PRKN: variants seen among roughly 807,000 people sequenced by gnomAD.
PRKN encodes parkin RBR E3 ubiquitin protein ligase, also known as E3 ubiquitin-protein ligase parkin.
A neutral mutation model predicts 59.5 loss-of-function variants in PRKN; 56 were observed. That is an observed-to-expected ratio of 0.94 (90% CI 0.76 to 1.18). PRKN has a LOEUF of 1.18. Ranked by LOEUF, PRKN falls within the 50% of genes most tolerant of loss-of-function variation. The pLI is 0.00. For synonymous variants in PRKN, 250 were observed against 222.1 expected (o/e 1.13, Z -1.12); for missense variants, 657 against 596.4 (o/e 1.10, Z -1.06).
chr6:161,941,065 G>A (rs181326251), intron 6 of PRKN, among the ~76,000 whole-genome samples: 157 of 152,306 alleles, frequency 1.0e-3, no homozygotes, highest in African/African-American at 3.7e-3. Flanking sequence ...GGAAGGTGGG[G>A]AAGGGAAGTG....
At chr6:161,978,847 G>A (rs369712383) in intron 5 of PRKN, among the ~76,000 whole-genome samples, 11 of 152,312 alleles carry the variant, frequency 7.2e-5, no homozygotes, top group Middle Eastern at 3.4e-3. Flanking sequence ...GTTGCTTCTC[G>A]GTCACTAGGG....
intron 1 of PRKN, among the ~76,000 whole-genome samples, chr6:162,541,377 A>C (rs760754213): frequency 7.2e-5 from 11 of 152,206 alleles, no homozygotes; most frequent in Non-Finnish European, 1.2e-4. Context: ...CCAGACAGGG[A>C]GGGCAAAGGC....
intron 1 of PRKN, among the ~76,000 whole-genome samples, chr6:162,558,951 C>T (rs1779725185): frequency 6.6e-6 from 1 of 152,062 alleles, no homozygotes; most frequent in African/African-American, 2.4e-5. Context: ...AACTTTTCTA[C>T]TTTAAAAAGG....
intron 7 of PRKN, among the ~76,000 whole-genome samples, chr6:161,573,362 T>C (rs993015913): frequency 2.6e-5 from 4 of 152,150 alleles, no homozygotes; most frequent in Admixed American, 6.5e-5. Flanking sequence ...CTTCTAGTTG[T>C]ATAAGCATAA....
At chr6:162,704,849 T>A (rs550550091) in intron 1 of PRKN, among the ~76,000 whole-genome samples, 1 of 152,298 alleles carries the variant, frequency 6.6e-6, no homozygotes, top group African/African-American at 2.4e-5. Context: ...GACTTCGGAT[T>A]TTGTTTATAT....
At chr6:161,637,803 C>T (rs1204893484) in intron 7 of PRKN, among the ~76,000 whole-genome samples, 1 of 151,946 alleles carries the variant, frequency 6.6e-6, no homozygotes, top group African/African-American at 2.4e-5. Flanking sequence ...TTCTGCTTCC[C>T]TTACTTGAGA....
rs76480347 is a variant in PRKN at position 161,632,276 on chromosome 6, C to T, written c.872-62860G>A. On this transcript the variant is annotated intron_variant, in intron 7 of 11. Coordinates refer to ENST00000366898, the MANE Select transcript of PRKN (RefSeq NM_004562.3). ...AGGTTACAAAAGCTGTGGTAAGAAT[C>T]GTCCTTAATTGCAAGGGTTATTCTA... Among the ~76,000 whole-genome samples, 793 of 152,170 alleles carry T rather than the reference C, an allele frequency of 5.2e-3. 15 individuals are homozygous for T. In the East Asian group the frequency reaches 0.062, roughly 12 times the overall value.
rs1255594406 is a variant in PRKN, at chr6:161,471,302, T to C, written c.1083+77552A>G. 6.6e-6 allele frequency among the ~76,000 whole-genome samples: 1 copy of C among 152,204 alleles called. No individual in the cohort carries two copies. Among genetic ancestry groups the C allele is most frequent in the Non-Finnish European group, 1.5e-5 (1 of 68,030 alleles). On this transcript the variant is annotated intron_variant, in intron 9 of 11. Transcript: ENST00000366898. This position sits in a 1 kb window ranked among gnomAD's most constrained non-coding sequence, Gnocchi z 4.5. ...CTGCAATGTCTGAGTTTTGGGGTTA[T>C]GGGGATGTTGTTTTATTTCACTTAC...
chr6:162,285,266 A>ATTTTTTTTTTT (rs11392809), intron 2 of PRKN, among the ~76,000 whole-genome samples: 1 of 95,926 alleles, frequency 1.0e-5, no homozygotes, highest in Admixed American at 1.4e-4. Flanking sequence ...TATTTTGGAG[A>ATTTTTTTTTTT]TTTTTTTTTT....
chr6:162,017,186 T>C (rs763148593), intron 5 of PRKN, among the ~76,000 whole-genome samples: 2 of 152,188 alleles, frequency 1.3e-5, no homozygotes, highest in Non-Finnish European at 2.9e-5. Context: ...TAGGGAGATA[T>C]ATCTTATGGA....
intron 7 of PRKN, among the ~76,000 whole-genome samples, chr6:161,751,723 A>AT (rs1187917602): frequency 6.6e-6 from 1 of 152,220 alleles, no homozygotes; most frequent in Non-Finnish European, 1.5e-5. Context: ...CTTCTGGGAG[A>AT]TGATACCAAA....
rs12530349 is a variant in PRKN, at chr6:161,554,432, G to A, written c.934-5429C>T. 1.6e-4 allele frequency among the ~76,000 whole-genome samples: 11 copies of A among 67,114 alleles called. No homozygotes were observed. The highest frequency in any genetic ancestry group is 1.2e-3 in the East Asian group (2 of 1,670). The allele number at this position is 67,114 out of a possible 152,430, so 44.0% of individuals were successfully genotyped here. ...CACACACACACACACACACACACAC[G>A]CATGCAGGCACAACCATCAGTACTT... On this transcript the variant is annotated intron_variant, in intron 8 of 11. Coordinates refer to ENST00000366898, the MANE Select transcript of PRKN (RefSeq NM_004562.3). The surrounding 1 kb of genome is among the most constrained non-coding windows in gnomAD (Gnocchi z 4.5).
chr6:161,919,858 C>A (rs1778712284), intron 6 of PRKN, among the ~76,000 whole-genome samples: 1 of 152,208 alleles, frequency 6.6e-6, no homozygotes, highest in Non-Finnish European at 1.5e-5. Context: ...GTTGAAAAAT[C>A]ACATTCCTAT....
chr6:162,089,156 A>G (rs1779371925), intron 4 of PRKN, among the ~76,000 whole-genome samples: 1 of 152,214 alleles, frequency 6.6e-6, no homozygotes, highest in African/African-American at 2.4e-5. Flanking sequence ...TATGTCATAA[A>G]AAACCTCTGT....
chr6:162,333,686 T>C (rs1407603789), intron 2 of PRKN, among the ~76,000 whole-genome samples: 1 of 152,156 alleles, frequency 6.6e-6, no homozygotes, highest in Non-Finnish European at 1.5e-5. Context: ...AACTATACTG[T>C]ATTAGACCAA....
intron 9 of PRKN, among the ~76,000 whole-genome samples, chr6:161,490,931 A>G: frequency 6.6e-6 from 1 of 152,002 alleles, no homozygotes; most frequent in East Asian, 1.9e-4. Context: ...GCCATATGAG[A>G]TGCCTGCTCC....
chr6:161,790,378 T>C (rs1271327484), intron 6 of PRKN, among the ~76,000 whole-genome samples: 1 of 152,212 alleles, frequency 6.6e-6, no homozygotes, highest in Non-Finnish European at 1.5e-5. Flanking sequence ...GGGTTGACTC[T>C]AGGAGACACA....
chr6:162,424,161 C>T (rs537172694), intron 2 of PRKN, among the ~76,000 whole-genome samples: 2 of 152,038 alleles, frequency 1.3e-5, no homozygotes, highest in African/African-American at 2.4e-5. Flanking sequence ...TATGAAGAGG[C>T]GACTTTATGA....
At chr6:161,830,955 C>G (rs1419495646) in intron 6 of PRKN, among the ~76,000 whole-genome samples, 1 of 152,168 alleles carries the variant, frequency 6.6e-6, no homozygotes, top group Non-Finnish European at 1.5e-5. Context: ...TCCCCAACCA[C>G]AGCAAGGGAC....
Sources: allele counts gnomAD v4.1 joint callset (sites outside exome capture counted in the v4.1 genomes callset), GRCh38; gene constraint gnomAD v4.1.1; non-coding constraint Gnocchi (gnomAD v3.1); transcripts MANE v1.5; gene names NCBI Gene and HGNC (gene_info 2026-07-23, HGNC 2026-07-21).